Variants in ZNF536 observed in about 807,000 individuals in gnomAD.
ZNF536 encodes zinc finger protein 536.
In ZNF536, 13 loss-of-function variants were observed where a neutral mutation model predicts 84.5. The observed-to-expected ratio is 0.15, with a 90% confidence interval of 0.10 to 0.24. The LOEUF (loss-of-function observed/expected upper bound fraction) is 0.24. Ranked by LOEUF, ZNF536 falls within the 10% of genes least tolerant of loss-of-function variation. The probability of loss-of-function intolerance (pLI) is 1.00; values close to 1 mark genes in which losing one functional copy is unlikely to be tolerated. For missense variants in ZNF536, 1,536 were observed against 1,747.5 expected (o/e 0.88, Z 2.16); for synonymous variants, 811 against 742.5 (o/e 1.09, Z -1.50).
intron 3 of ZNF536, among the ~76,000 whole-genome samples, chr19:30,536,725 C>A (rs952280256): frequency 6.6e-5 from 10 of 151,732 alleles, no homozygotes; most frequent in African/African-American, 2.4e-4. Context: ...AACACAGGAA[C>A]CTATCAGAAA....
At chr19:30,644,346 G>T (rs2049381168) in intron 1 of ZNF536, among the ~76,000 whole-genome samples, 1 of 152,012 alleles carries the variant, frequency 6.6e-6, no homozygotes, top group Non-Finnish European at 1.5e-5. Context: ...TGGAGAGAAA[G>T]CCTATAGTGG....
intron 1 of ZNF536, among the ~76,000 whole-genome samples, chr19:30,271,299 C>CTTTT (rs781528411): frequency 1.5e-4 from 17 of 111,810 alleles, no homozygotes; most frequent in African/African-American, 2.9e-4. Context: ...TTTTTCTTTT[C>CTTTT]TTTTTTTTTT....
intron 2 of ZNF536, among the ~76,000 whole-genome samples, chr19:30,530,592 T>A (rs577668651): frequency 6.6e-6 from 1 of 152,278 alleles, no homozygotes; most frequent in East Asian, 1.9e-4. Flanking sequence ...GATGATCTGC[T>A]GGCCTCGGCC....
At chr19:30,608,398 C>A (rs1724108908) in intron 1 of ZNF536, among the ~76,000 whole-genome samples, 1 of 152,096 alleles carries the variant, frequency 6.6e-6, no homozygotes, top group African/African-American at 2.4e-5. Context: ...TGGGCATCTG[C>A]AGATGTGAGA....
At chr19:30,356,791 C>A (rs1464453577) in intron 3 of ZNF536, among the ~76,000 whole-genome samples, 1 of 152,224 alleles carries the variant, frequency 6.6e-6, no homozygotes, top group Non-Finnish European at 1.5e-5. Flanking sequence ...CCTCCCAAAT[C>A]CCCTAGCAGG....
chr19:30,559,066 A>G (rs958164340), downstream of ZNF536, among the ~76,000 whole-genome samples: 1 of 152,240 alleles, frequency 6.6e-6, no homozygotes, highest in Non-Finnish European at 1.5e-5. Flanking sequence ...TCCAAAGACC[A>G]CAGTATGGCA....
At chr19:30,621,635 GT>G (rs1488475239) in intron 1 of ZNF536, among the ~76,000 whole-genome samples, 1 of 152,238 alleles carries the variant, frequency 6.6e-6, no homozygotes, top group Non-Finnish European at 1.5e-5. Context: ...AAGTAACTAT[GT>G]TTTTGTTTTA....
intron 1 of ZNF536, among the ~76,000 whole-genome samples, chr19:30,655,763 G>T (rs1244164862): frequency 6.6e-6 from 1 of 152,160 alleles, no homozygotes; most frequent in South Asian, 2.1e-4. Flanking sequence ...GTTCATGTTG[G>T]CTTGGTGGCT....
At chr19:30,602,561 A>G (rs912241277) in intron 1 of ZNF536, among the ~76,000 whole-genome samples, 4 of 152,216 alleles carry the variant, frequency 2.6e-5, no homozygotes, top group Admixed American at 2.6e-4. Flanking sequence ...GCTTGTGTAA[A>G]GAAGTCAGTG....
Position 30,557,473 on chromosome 19 carries a change from G to A in ZNF536, c.*309G>A, listed in dbSNP as rs2046006371. The A allele has an allele frequency of 7.3e-6, 2 of 274,726 alleles. No individual in the cohort carries two copies. The highest frequency in any genetic ancestry group is 1.4e-5 in the Non-Finnish European group (2 of 146,992). 17.0% of individuals were successfully genotyped at this position (274,726 alleles called of 1,614,324 possible). On this transcript the variant is annotated 3_prime_UTR_variant, in exon 5 of 5. Transcript: ENST00000355537. ...TCATAAATCCTGAGTGACAACTGCT[G>A]CTGGATGACAGATCCCTTCACCTGT...
chr19:30,713,165 TCCTC>T (rs1413575177), exon 2 of ZNF536: 1 of 152,130 alleles, frequency 6.6e-6, no homozygotes, highest in Non-Finnish European at 1.5e-5. Flanking sequence ...CTGCTGTCCT[TCCTC>T]CCCCTCTGAC....
At chr19:30,560,229 C>G (rs1241926918), downstream of ZNF536, among the ~76,000 whole-genome samples, 1 of 152,030 alleles carries the variant, frequency 6.6e-6, no homozygotes. Context: ...GTTCCTTCCC[C>G]CTAAGCCACC....
chr19:30,332,181 C>A (rs2047231373), intron 2 of ZNF536, among the ~76,000 whole-genome samples: 1 of 152,226 alleles, frequency 6.6e-6, no homozygotes, highest in Non-Finnish European at 1.5e-5. Context: ...CTTTTCTCCT[C>A]TTTGCCCCCC....
intron 1 of ZNF536, among the ~76,000 whole-genome samples, chr19:30,260,052 A>T (rs2145240179): frequency 6.6e-6 from 1 of 152,202 alleles, no homozygotes; most frequent in Non-Finnish European, 1.5e-5. Flanking sequence ...GGCGTGAGCC[A>T]CCATGCCCAG....
chr19:30,246,540 A>G (rs944755742), intron 1 of ZNF536, among the ~76,000 whole-genome samples: 1 of 152,154 alleles, frequency 6.6e-6, no homozygotes, highest in Non-Finnish European at 1.5e-5. Flanking sequence ...TTTTCTTCCC[A>G]TAGTGTGCCA....
intron 2 of ZNF536, among the ~76,000 whole-genome samples, chr19:30,319,037 A>G (rs1314667019): frequency 2.0e-5 from 3 of 152,266 alleles, no homozygotes; most frequent in Non-Finnish European, 4.4e-5. Flanking sequence ...AATAGATGAC[A>G]TATCAAAGAA....
chr19:30,645,926 G>A (rs886464480), intron 1 of ZNF536, among the ~76,000 whole-genome samples: 25 of 152,046 alleles, frequency 1.6e-4, no homozygotes, highest in African/African-American at 5.8e-4. Context: ...GGGAAAGTTC[G>A]CCATGCCGTT....
At chr19:30,506,453 G>T (rs2055176859) in intron 2 of ZNF536, among the ~76,000 whole-genome samples, 2 of 152,202 alleles carry the variant, frequency 1.3e-5, no homozygotes, top group South Asian at 4.1e-4. Context: ...CCACTCAGCT[G>T]CGCTGTTTGA....
chr19:30,315,298 G>A (rs560519794), intron 2 of ZNF536, among the ~76,000 whole-genome samples: 1 of 152,290 alleles, frequency 6.6e-6, no homozygotes, highest in East Asian at 1.9e-4. Flanking sequence ...CAGTTTATAG[G>A]GCATAGTGAA....
Sources: gnomAD v4.1 joint callset for allele counts (sites outside exome capture counted in the v4.1 genomes callset) on GRCh38, gnomAD v4.1.1 for gene constraint, MANE v1.5 for transcripts, NCBI Gene and HGNC (gene_info 2026-07-23, HGNC 2026-07-21) for gene names.